Variants in MEIS2 observed in about 807,000 individuals in gnomAD.
The protein encoded by MEIS2 is Meis homeobox 2.
Under a neutral mutation model 58.6 loss-of-function variants are expected in MEIS2, and 9 were observed. That is an observed-to-expected ratio of 0.15 (90% CI 0.09 to 0.27). The LOEUF is 0.27. Ranked by LOEUF, MEIS2 falls within the 10% of genes least tolerant of loss-of-function variation. MEIS2 has a pLI of 1.00. For missense variants in MEIS2, 427 were observed against 635.0 expected (o/e 0.67, Z 3.52); for synonymous variants, 221 against 228.4 (o/e 0.97, Z 0.29).
At chr15:36,922,811 T>C (rs1595731281) in intron 9 of MEIS2, among the ~76,000 whole-genome samples, 1 of 151,184 alleles carries the variant, frequency 6.6e-6, no homozygotes, top group Non-Finnish European at 1.5e-5. Context: ...AGAGATGGGG[T>C]TTCACCATGT....
intron 9 of MEIS2, among the ~76,000 whole-genome samples, chr15:36,939,382 CAG>C (rs1365728706): frequency 1.3e-5 from 2 of 152,168 alleles, no homozygotes; most frequent in African/African-American, 4.8e-5. Context: ...AGTTTGGAAA[CAG>C]AGCCAAAGGT....
intron 7 of MEIS2, among the ~76,000 whole-genome samples, chr15:37,060,488 T>C (rs1195063621): frequency 1.3e-5 from 2 of 152,194 alleles, no homozygotes; most frequent in East Asian, 1.9e-4. Context: ...CAGGAAGTTA[T>C]CGTGTACCAC....
intron 8 of MEIS2, among the ~76,000 whole-genome samples, chr15:37,006,172 T>C (rs1426265586): frequency 6.6e-6 from 1 of 152,222 alleles, no homozygotes; most frequent in Non-Finnish European, 1.5e-5. Flanking sequence ...ATTTTTCCAT[T>C]TATTTAATTT....
chr15:36,977,418 T>C (rs2141492064), intron 8 of MEIS2, among the ~76,000 whole-genome samples: 1 of 152,268 alleles, frequency 6.6e-6, no homozygotes, highest in Non-Finnish European at 1.5e-5. Context: ...AGCAAAGTGT[T>C]GAATAGCATA....
intron 9 of MEIS2, among the ~76,000 whole-genome samples, chr15:36,931,119 T>G (rs1204696087): frequency 6.6e-6 from 1 of 152,174 alleles, no homozygotes; most frequent in Non-Finnish European, 1.5e-5. Flanking sequence ...CTGACTTCAT[T>G]CCAATAAAGA....
chr15:36,980,679 A>G (rs1383839183), intron 8 of MEIS2, among the ~76,000 whole-genome samples: 1 of 152,156 alleles, frequency 6.6e-6, no homozygotes, highest in Admixed American at 6.6e-5. Context: ...TAACTAATAT[A>G]TTATATCCTA....
intron 9 of MEIS2, among the ~76,000 whole-genome samples, chr15:36,903,314 C>T (rs2056572275): frequency 6.6e-6 from 1 of 152,144 alleles, no homozygotes; most frequent in African/African-American, 2.4e-5. Flanking sequence ...TATTTGAAAG[C>T]AAGGGAGGAG....
rs988474765 is a variant in MEIS2 at position 36,892,116 on chromosome 15, C to A, written c.*57G>T. ...TAAGTGTCAACATCTGGTCAAAGTT[C>A]AGAAAGTCTTAAAATAGTTTTTGCG... On this transcript the variant is annotated 3_prime_UTR_variant, in exon 12 of 12. Coordinates refer to ENST00000561208, the MANE Select transcript of MEIS2 (RefSeq NM_170675.5). 25 of 1,569,012 alleles carry A rather than the reference C, an allele frequency of 1.6e-5. No individual in the cohort carries two copies. Among genetic ancestry groups the A allele is most frequent in the African/African-American group, 2.7e-5 (2 of 73,608 alleles).
In MEIS2 at chr15:36,959,111, C is replaced by T. The variant is rs187105093; in HGVS notation, c.901-8711G>A. Reference sequence around the variant, plus strand: ...TTATGCCTAACAAAACTGAGGTTGACGGAGGCAAAATGGCTTGGCCAAACC... The same window carrying T: ...TTATGCCTAACAAAACTGAGGTTGATGGAGGCAAAATGGCTTGGCCAAACC... On this transcript the variant is annotated intron_variant, in intron 8 of 11. Coordinates refer to ENST00000561208, the MANE Select transcript of MEIS2 (RefSeq NM_170675.5). Among the ~76,000 whole-genome samples, 393 of 152,246 alleles carry T rather than the reference C, an allele frequency of 2.6e-3. 3 individuals carry two copies. Among genetic ancestry groups the T allele is most frequent in the African/African-American group, 9.3e-3 (385 of 41,562 alleles).
chr15:37,007,129 G>A (rs1181008789), intron 8 of MEIS2, among the ~76,000 whole-genome samples: 1 of 152,178 alleles, frequency 6.6e-6, no homozygotes, highest in East Asian at 1.9e-4. Context: ...CAACTTTAAG[G>A]ATGGGTCCAA....
At chr15:36,975,147 T>A (rs2059697129) in intron 8 of MEIS2, among the ~76,000 whole-genome samples, 1 of 152,234 alleles carries the variant, frequency 6.6e-6, no homozygotes, top group Admixed American at 6.5e-5. Flanking sequence ...AAAAACTGCA[T>A]GAAAACATAG....
intron 7 of MEIS2, among the ~76,000 whole-genome samples, chr15:37,041,797 T>C (rs1469803709): frequency 6.6e-6 from 1 of 152,144 alleles, no homozygotes; most frequent in African/African-American, 2.4e-5. Context: ...ACAAAATATA[T>C]GTGCACCTGG....
At chr15:37,035,742 C>T (rs2062123533) in intron 8 of MEIS2, among the ~76,000 whole-genome samples, 1 of 152,156 alleles carries the variant, frequency 6.6e-6, no homozygotes, top group Non-Finnish European at 1.5e-5. Flanking sequence ...TTTTCCCTCC[C>T]CACCACTGCT....
At chr15:37,086,578 T>C (rs1475486174) in intron 6 of MEIS2, among the ~76,000 whole-genome samples, 1 of 152,220 alleles carries the variant, frequency 6.6e-6, no homozygotes, top group African/African-American at 2.4e-5. Context: ...CTTCCCTCTT[T>C]TCTTTCTCAC....
intron 11 of MEIS2, chr15:36,894,865 G>A: frequency 7.2e-7 from 1 of 1,396,892 alleles, no homozygotes; most frequent in Non-Finnish European, 1.0e-6. Flanking sequence ...AATAATTGAT[G>A]GTGAAAAAAT....
At chr15:37,016,976 T>G (rs1451672375) in intron 8 of MEIS2, among the ~76,000 whole-genome samples, 1 of 152,260 alleles carries the variant, frequency 6.6e-6, no homozygotes, top group East Asian at 1.9e-4. Context: ...TGTTTAATTT[T>G]TTAGCATATC....
chr15:36,940,806 C>T (rs555522399), intron 9 of MEIS2, among the ~76,000 whole-genome samples: 5 of 152,246 alleles, frequency 3.3e-5, no homozygotes, highest in South Asian at 4.2e-4. Context: ...AAAAGGCACA[C>T]GGAGTCATGT....
intron 9 of MEIS2, among the ~76,000 whole-genome samples, chr15:36,921,989 CACTGATGTGG>C (rs758324278): frequency 9.2e-5 from 14 of 152,204 alleles, no homozygotes; most frequent in Non-Finnish European, 2.1e-4. Context: ...CTTCCATGTT[CACTGATGTGG>C]ACTGATATGG....
chr15:37,068,766 T>A (rs1475054635), intron 7 of MEIS2, among the ~76,000 whole-genome samples: 2 of 152,286 alleles, frequency 1.3e-5, no homozygotes, highest in East Asian at 3.9e-4. Flanking sequence ...GTTACCTCCA[T>A]GCACATGAAA....
Sources: allele counts gnomAD v4.1 joint callset (sites outside exome capture counted in the v4.1 genomes callset), GRCh38; gene constraint gnomAD v4.1.1; transcripts MANE v1.5; gene names NCBI Gene and HGNC (gene_info 2026-07-23, HGNC 2026-07-21).